ATOH8: variants seen among roughly 807,000 people sequenced by gnomAD.
ATOH8 encodes transcription factor ATOH8.
Under a neutral mutation model 21.2 loss-of-function variants are expected in ATOH8, and 9 were observed. That is an observed-to-expected ratio of 0.42 (90% CI 0.26 to 0.74). The LOEUF (loss-of-function observed/expected upper bound fraction) is 0.74, where lower values mean the gene tolerates loss of function less well. Ranked by LOEUF, ATOH8 falls within the 30% of genes least tolerant of loss-of-function variation. The probability of loss-of-function intolerance (pLI) is 0.24; values close to 1 mark genes in which losing one functional copy is unlikely to be tolerated. For missense variants in ATOH8, 524 were observed against 470.9 expected, an observed-to-expected ratio of 1.11 and a Z score of -1.04; for synonymous variants, 253 against 224.0, an observed-to-expected ratio of 1.13 and a Z score of -1.16.
Position 85,754,550 on chromosome 2 carries a change from C to G in ATOH8, c.361C>G (p.Leu121Val). The G allele has an allele frequency of 7.0e-7, 1 of 1,438,206 alleles. No individual in the cohort carries two copies. The highest frequency in any genetic ancestry group is 9.0e-7 in the Non-Finnish European group (1 of 1,107,786). The allele number at this position is 1,438,206 out of a possible 1,614,324, so 89.1% of individuals were successfully genotyped here. A position where few individuals can be genotyped will look rare whatever the true frequency, so the allele number is the denominator to read the frequency against. ...CGCCCTAGGCGCAGTGGGGCCAGGA[C>G]TCCCCACGCCGCCGCCGCCGCCGCC... is the stretch of plus-strand genomic sequence containing the variant. ...CFALGAVGPG[L>V]PTPPPPPPPA... The change falls in exon 1 of 3, where the codon CTC (leucine) becomes GTC (valine). Residue 121 changes from leucine to valine, a missense_variant. Physicochemically the swap from Leu to Val is conservative, Grantham distance 32. Coordinates refer to ENST00000306279, the MANE Select transcript of ATOH8 (RefSeq NM_032827.7).
Position 85,791,193 on chromosome 2 carries a change from G to T in ATOH8, c.*4303G>T, listed in dbSNP as rs1680759138. Among the ~76,000 whole-genome samples the T allele has an allele frequency of 6.6e-6, 1 of 152,148 alleles. No homozygotes were observed. Among genetic ancestry groups the T allele is most frequent in the Non-Finnish European group, 1.5e-5 (1 of 68,030 alleles). On this transcript the variant is annotated 3_prime_UTR_variant, in exon 3 of 3. Transcript: ENST00000306279. Reference sequence around the variant, plus strand: ...TGAAGCCAGGCATCCTGAGGAACTTGATAGACAAACAATGACAGTGTTTTC... The same window carrying T: ...TGAAGCCAGGCATCCTGAGGAACTTTATAGACAAACAATGACAGTGTTTTC...
At chr2:85,765,608 G>A (rs1679993609) in intron 2 of ATOH8, among the ~76,000 whole-genome samples, 1 of 152,186 alleles carries the variant, frequency 6.6e-6, no homozygotes, top group South Asian at 2.1e-4. Context: ...GTAAACTCTC[G>A]GTGAACTTCC....
At position 85,789,940 on chromosome 2, in the gene ATOH8, CAT is replaced by C. The variant is rs754279885; in HGVS notation, c.*3052_*3053del. On this transcript the variant is annotated 3_prime_UTR_variant, in exon 3 of 3. Transcript: ENST00000306279. ...ACTTGTGTTCGTATGCACACACATG[CAT>C]ACTCTCTCTCATGGGCACATGCATA... is the stretch of plus-strand genomic sequence containing the variant. Among the ~76,000 whole-genome samples the C allele has an allele frequency of 6.1e-5, 9 of 148,340 alleles. No homozygotes were observed. The highest frequency in any genetic ancestry group is 2.0e-4 in the Admixed American group (3 of 15,032).
At position 85,766,058 on chromosome 2, in the gene ATOH8, C is replaced by T; in HGVS notation, c.960+1876C>T. On this transcript the variant is annotated intron_variant, in intron 2 of 2. Transcript: ENST00000306279. The surrounding 1 kb of genome is among the most constrained non-coding windows in gnomAD (Gnocchi z 4.0). ...TTATCCTGCACCCATTGCTTAGCCT[C>T]CTCCGCCTCAGTTTTCTTGTTGATA... Among the ~76,000 whole-genome samples the T allele has an allele frequency of 6.6e-6, 1 of 152,140 alleles. No individual in the cohort carries two copies. Among genetic ancestry groups the T allele is most frequent in the East Asian group, 1.9e-4 (1 of 5,192 alleles).
intron 2 of ATOH8, among the ~76,000 whole-genome samples, chr2:85,767,735 G>C (rs529418461): frequency 6.6e-6 from 1 of 152,148 alleles, no homozygotes; most frequent in East Asian, 1.9e-4. Context: ...GTTAGGGTGA[G>C]AAAAAGGAAA....
At position 85,785,856 on chromosome 2, in the gene ATOH8, A is replaced by ACC. The variant is rs1258199802; in HGVS notation, c.961-1029_961-1028insCC. The stretch of plus-strand genomic sequence containing the variant: ...CTGTTGGTTGAGGGTTGGAGCACGA[A>ACC]TCAAAAGGGTGTTTGGAGTTGCTTT... On this transcript the variant is annotated intron_variant, in intron 2 of 2. Transcript: ENST00000306279. This position sits in a 1 kb window ranked among gnomAD's most constrained non-coding sequence, Gnocchi z 4.1. Among the ~76,000 whole-genome samples the ACC allele has an allele frequency of 6.6e-6, 1 of 152,210 alleles. No individual in the cohort carries two copies. The highest frequency in any genetic ancestry group is 1.5e-5 in the Non-Finnish European group (1 of 68,030).
At chr2:85,786,052 G>C (rs1186605329) in intron 2 of ATOH8, among the ~76,000 whole-genome samples, 1 of 152,110 alleles carries the variant, frequency 6.6e-6, no homozygotes, top group Non-Finnish European at 1.5e-5. Flanking sequence ...CAGTTACACC[G>C]TCTGCTCAGA....
chr2:85,776,678 G>A (rs192220300), intron 2 of ATOH8, among the ~76,000 whole-genome samples: 8 of 152,322 alleles, frequency 5.3e-5, no homozygotes, highest in East Asian at 3.9e-4. Context: ...CCTGGAAGGC[G>A]GCTGATTGAC....
At chr2:85,767,848 GC>G (rs1680065673) in intron 2 of ATOH8, among the ~76,000 whole-genome samples, 1 of 152,180 alleles carries the variant, frequency 6.6e-6, no homozygotes, top group Non-Finnish European at 1.5e-5. Context: ...TGGAGAGATT[GC>G]CCAGAGTCCT....
At chr2:85,770,402 T>C (rs1680148577) in intron 2 of ATOH8, among the ~76,000 whole-genome samples, 1 of 151,628 alleles carries the variant, frequency 6.6e-6, no homozygotes, top group South Asian at 2.1e-4. Flanking sequence ...TTAAATACCA[T>C]CTGCTTTCAA....
chr2:85,768,650 C>T (rs1024612523), intron 2 of ATOH8, among the ~76,000 whole-genome samples: 7 of 152,156 alleles, frequency 4.6e-5, no homozygotes, highest in Non-Finnish European at 1.0e-4. Context: ...TGAGGTCCCT[C>T]GCACCCCGAG....
chr2:85,788,431 G>A lies in ATOH8; in HGVS notation c.*1541G>A, dbSNP rs1168997240. Among the ~76,000 whole-genome samples, 1 of 152,140 alleles carries A rather than the reference G, an allele frequency of 6.6e-6. No homozygotes were observed. Among genetic ancestry groups the A allele is most frequent in the East Asian group, 1.9e-4 (1 of 5,182 alleles). On this transcript the variant is annotated 3_prime_UTR_variant, in exon 3 of 3. Coordinates refer to ENST00000306279, the MANE Select transcript of ATOH8 (RefSeq NM_032827.7). ...TCAGTCGGTGACAGAGCCAGTCATCGAATCAGGATGGGCTCACTTCAAATC... is the reference window on the plus strand; with the variant it reads ...TCAGTCGGTGACAGAGCCAGTCATCAAATCAGGATGGGCTCACTTCAAATC...
At chr2:85,767,461 C>T (rs1680046428) in intron 2 of ATOH8, among the ~76,000 whole-genome samples, 1 of 151,700 alleles carries the variant, frequency 6.6e-6, no homozygotes, top group Non-Finnish European at 1.5e-5. Flanking sequence ...ACCGTTCACC[C>T]TCTTCAGCAG....
intron 2 of ATOH8, among the ~76,000 whole-genome samples, chr2:85,765,452 C>T (rs1215040940): frequency 3.3e-5 from 5 of 152,250 alleles, no homozygotes; most frequent in Non-Finnish European, 5.9e-5. Flanking sequence ...AGTGCTTTAA[C>T]GTGGACCAAT....
intron 1 of ATOH8, among the ~76,000 whole-genome samples, chr2:85,761,379 A>G (rs1014994366): frequency 6.6e-6 from 1 of 152,198 alleles, no homozygotes; most frequent in African/African-American, 2.4e-5. Context: ...ACAGGAGCTC[A>G]ATGGATGGGT....
At position 85,786,865 on chromosome 2, in the gene ATOH8, T is replaced by C. The variant is rs1190801670; in HGVS notation, c.961-20T>C. 6.2e-7 allele frequency: 1 copy of C among 1,613,966 alleles called. No homozygotes were observed. The highest frequency in any genetic ancestry group is 2.2e-5 in the East Asian group (1 of 44,882). On this transcript the variant is annotated intron_variant, in intron 2 of 2. Coordinates refer to ENST00000306279, the MANE Select transcript of ATOH8 (RefSeq NM_032827.7). ...CAGGTGGAGCAGGGGCAGCTTTTAATGGCTGGTCATGTCTTTCAGGAGTGA... is the reference window on the plus strand; with the variant it reads ...CAGGTGGAGCAGGGGCAGCTTTTAACGGCTGGTCATGTCTTTCAGGAGTGA...
chr2:85,754,175 C>G lies in ATOH8; in HGVS notation c.-15C>G. On this transcript the variant is annotated 5_prime_UTR_variant, in exon 1 of 3. Coordinates refer to ENST00000306279, the MANE Select transcript of ATOH8 (RefSeq NM_032827.7). ...CGGGCAGCCCCACGCCCCTGCCTCG[C>G]GCGCCGCCCGCGCCATGAAGCACAT... 6.5e-7 allele frequency: 1 copy of G among 1,549,336 alleles called. No individual in the cohort carries two copies. Among genetic ancestry groups the G allele is most frequent in the South Asian group, 1.2e-5 (1 of 83,926 alleles).
chr2:85,769,257 G>A (rs889201755), intron 2 of ATOH8, among the ~76,000 whole-genome samples: 1 of 152,346 alleles, frequency 6.6e-6, no homozygotes, highest in Non-Finnish European at 1.5e-5. Flanking sequence ...TTGAGCCCTG[G>A]CAATAAATGG....
At position 85,754,001 on chromosome 2, in the gene ATOH8, C is replaced by A; in HGVS notation, c.-189C>A. On this transcript the variant is annotated 5_prime_UTR_variant, in exon 1 of 3. It adds an upstream start codon to the 5' untranslated region. Transcript: ENST00000306279. ...GGAGGCAGCGACTTCAGATGACACT[C>A]TGAGCGCTCCGGGAACGGACAGCCC... 1.7e-6 allele frequency: 1 copy of A among 576,014 alleles called. No homozygotes were observed. Among genetic ancestry groups the A allele is most frequent in the Non-Finnish European group, 2.8e-6 (1 of 355,470 alleles). 35.7% of individuals were successfully genotyped at this position (576,014 alleles called of 1,614,324 possible). A position where few individuals can be genotyped will look rare whatever the true frequency, so the allele number is the denominator to read the frequency against.
Sources: allele counts gnomAD v4.1 joint callset (sites outside exome capture counted in the v4.1 genomes callset), GRCh38; gene constraint gnomAD v4.1.1; non-coding constraint Gnocchi (gnomAD v3.1); transcripts MANE v1.5; gene names NCBI Gene and HGNC (gene_info 2026-07-23, HGNC 2026-07-21).